The following MMP26 variants were observed in gnomAD, a reference collection of about 807,000 sequenced individuals.
MMP26 encodes the protein matrix metallopeptidase 26.
In MMP26, 33 loss-of-function variants were observed where a neutral mutation model predicts 31.0. The ratio of observed to expected loss-of-function variants is 1.06; its 90% confidence interval spans 0.81 to 1.42. The LOEUF is 1.42. Among genes scored for constraint, MMP26 ranks in the 40% most tolerant of loss-of-function variants. The pLI is 0.00. For synonymous variants in MMP26, 122 were observed against 114.9 expected (o/e 1.06, Z -0.40); for missense variants, 347 against 316.1 (o/e 1.10, Z -0.74).
At chr11:4,904,270 A>G (rs10836931) in intron 2 of MMP26, among the ~76,000 whole-genome samples, 16,243 of 152,092 alleles carry the variant, frequency 0.11, 1,488 homozygotes, top group East Asian at 0.56. Flanking sequence ...GCTTTCCCAG[A>G]TTCACACAGG....
At chr11:4,849,039 A>T (rs12417164) in intron 2 of MMP26, 297,118 of 1,613,926 alleles carry the variant, frequency 0.18, 30,692 homozygotes, top group South Asian at 0.34. Context: ...CTGCAGGGCA[A>T]TGATCCAGAG....
At chr11:4,855,037 A>G (rs1490650013) in intron 2 of MMP26, among the ~76,000 whole-genome samples, 1 of 152,226 alleles carries the variant, frequency 6.6e-6, no homozygotes, top group Non-Finnish European at 1.5e-5. Context: ...AACATAAAGG[A>G]CATCCACACC....
At chr11:4,776,982 A>G (rs1317665528) in intron 2 of MMP26, among the ~76,000 whole-genome samples, 1 of 152,184 alleles carries the variant, frequency 6.6e-6, no homozygotes, top group Non-Finnish European at 1.5e-5. Flanking sequence ...TGCTTACCAC[A>G]CACCAGTTGA....
intron 2 of MMP26, among the ~76,000 whole-genome samples, chr11:4,795,959 T>C (rs77944566): frequency 0.019 from 2,852 of 152,264 alleles, 95 homozygotes; most frequent in African/African-American, 0.066. Context: ...CTCTTTGAAC[T>C]GGGGCCAGTT....
intron 1 of MMP26, chr11:4,723,957 C>T: frequency 1.3e-6 from 1 of 776,328 alleles, no homozygotes; most frequent in Non-Finnish European, 2.3e-6. Context: ...GGGGACTCAG[C>T]AGGTTCTGGT....
intron 2 of MMP26, among the ~76,000 whole-genome samples, chr11:4,885,242 T>G (rs983175312): frequency 6.6e-6 from 1 of 152,090 alleles, no homozygotes; most frequent in Non-Finnish European, 1.5e-5. Context: ...ATAATTAAAA[T>G]GTGTGAATGT....
chr11:4,873,821 C>T lies in MMP26; in HGVS notation c.-145+106480C>T, dbSNP rs548868853. ...TACTATTATTTTTATTTTAAAGAAGCGAGGAATTAAGCGCAGTGATTATTA... is the reference window on the plus strand; with the variant it reads ...TACTATTATTTTTATTTTAAAGAAGTGAGGAATTAAGCGCAGTGATTATTA... On this transcript the variant is annotated intron_variant, in intron 2 of 7. Coordinates refer to ENST00000380390, the MANE Select transcript of MMP26 (RefSeq NM_021801.5). Among the ~76,000 whole-genome samples, 15 of 152,010 alleles carry T rather than the reference C, an allele frequency of 9.9e-5. No individual in the cohort carries two copies. In the East Asian group the frequency reaches 1.2e-3, roughly 12 times the overall value.
intron 2 of MMP26, among the ~76,000 whole-genome samples, chr11:4,809,354 T>G (rs996261132): frequency 6.6e-6 from 1 of 152,234 alleles, no homozygotes; most frequent in Non-Finnish European, 1.5e-5. Flanking sequence ...TTTTGTTATA[T>G]AAATGTGGTT....
At chr11:4,715,832 G>A (rs1260928245) in intron 1 of MMP26, among the ~76,000 whole-genome samples, 1 of 152,192 alleles carries the variant, frequency 6.6e-6, no homozygotes, top group Admixed American at 6.5e-5. Context: ...CTGTGAATGT[G>A]ATGGGATATC....
At chr11:4,799,399 A>G (rs1450952264) in intron 2 of MMP26, among the ~76,000 whole-genome samples, 1 of 152,076 alleles carries the variant, frequency 6.6e-6, no homozygotes, top group Non-Finnish European at 1.5e-5. Flanking sequence ...TTAAACAAGA[A>G]GCTCTCACAT....
chr11:4,844,190 A>G (rs1330575051), intron 2 of MMP26, among the ~76,000 whole-genome samples: 1 of 152,192 alleles, frequency 6.6e-6, no homozygotes, highest in African/African-American at 2.4e-5. Context: ...AAGTTCCTAG[A>G]TGCATACACC....
chr11:4,960,850 A>G (rs1416955761), intron 2 of MMP26, among the ~76,000 whole-genome samples: 3 of 152,160 alleles, frequency 2.0e-5, no homozygotes, highest in South Asian at 2.1e-4. Flanking sequence ...TGACATACAT[A>G]TTTTTGCAAG....
At chr11:4,729,688 T>G (rs1457795153) in intron 1 of MMP26, among the ~76,000 whole-genome samples, 2 of 152,162 alleles carry the variant, frequency 1.3e-5, no homozygotes, top group Non-Finnish European at 2.9e-5. Context: ...ATTCATCAAA[T>G]ATATTTAATG....
chr11:4,882,748 G>A (rs534018343), intron 2 of MMP26: 6 of 1,613,874 alleles, frequency 3.7e-6, no homozygotes, highest in East Asian at 2.2e-5. Context: ...ATATTTATCT[G>A]CTCTTACCAC....
At chr11:4,917,962 A>G (rs1257821362) in intron 2 of MMP26, among the ~76,000 whole-genome samples, 1 of 151,132 alleles carries the variant, frequency 6.6e-6, no homozygotes, top group Admixed American at 6.6e-5. Flanking sequence ...CCTAAGGCGG[A>G]AAATATTTTT....
At chr11:4,887,389 C>T (rs1850558619) in intron 2 of MMP26, among the ~76,000 whole-genome samples, 1 of 152,118 alleles carries the variant, frequency 6.6e-6, no homozygotes, top group African/African-American at 2.4e-5. Flanking sequence ...AGCCTACTGA[C>T]TCTTCTGATC....
intron 2 of MMP26, among the ~76,000 whole-genome samples, chr11:4,788,280 A>G (rs1315068213): frequency 6.6e-6 from 1 of 151,868 alleles, no homozygotes; most frequent in Non-Finnish European, 1.5e-5. Context: ...ACATGTTACA[A>G]GCCATGAGCT....
intron 2 of MMP26, chr11:4,848,478 G>A (rs748388421): frequency 6.2e-7 from 1 of 1,613,602 alleles, no homozygotes; most frequent in Non-Finnish European, 8.5e-7. Flanking sequence ...GGTTTGACCA[G>A]CCTTCCAGCG....
intron 1 of MMP26, among the ~76,000 whole-genome samples, chr11:4,748,589 A>AT (rs1272558000): frequency 6.6e-6 from 1 of 151,904 alleles, no homozygotes; most frequent in African/African-American, 2.4e-5. Context: ...AAAAAAAAAA[A>AT]AACACAACAA....
Sources: gnomAD v4.1 joint callset for allele counts (sites outside exome capture counted in the v4.1 genomes callset) on GRCh38, gnomAD v4.1.1 for gene constraint, MANE v1.5 for transcripts, NCBI Gene and HGNC (gene_info 2026-07-23, HGNC 2026-07-21) for gene names.